ZNF449: variants seen among roughly 807,000 people sequenced by gnomAD.
ZNF449 encodes zinc finger and SCAN domain-containing protein 19.
In ZNF449, 4 loss-of-function variants were observed where a neutral mutation model predicts 32.6. The observed-to-expected ratio is 0.12, with a 90% CI of 0.06 to 0.28. The LOEUF (loss-of-function observed/expected upper bound fraction) is 0.28, where lower values mean the gene tolerates loss of function less well. ZNF449 is among the 10% of genes least tolerant of loss of function. The probability of loss-of-function intolerance (pLI) is 1.00; values close to 1 mark genes in which losing one functional copy is unlikely to be tolerated. For missense variants in ZNF449, 275 were observed against 383.2 expected (o/e 0.72, Z 2.36); for synonymous variants, 123 against 132.2 (o/e 0.93, Z 0.48).
intron 3 of ZNF449, among the ~76,000 whole-genome samples, chrX:135,355,686 C>CT (rs1374361352): frequency 1.8e-5 from 2 of 111,444 alleles, no homozygotes; most frequent in Non-Finnish European, 3.8e-5. Context: ...ACATTTACAT[C>CT]TTTTTAAAAT....
rs561846282 is a variant in ZNF449 at position 135,355,068 on chromosome X, A to C, written c.560-4824A>C. On this transcript the variant is annotated intron_variant, in intron 3 of 4. Transcript: ENST00000339249. ...AGATCTCCTGGGCCTCCAGGCTTCT[A>C]CCACCCTAAGCCTTTGCTACTTGCT... 1.4e-4 allele frequency among the ~76,000 whole-genome samples: 15 copies of C among 110,136 alleles called. No homozygotes were observed. In the South Asian group the frequency reaches 5.8e-3, roughly 43 times the overall value.
chrX:135,361,156 T>A lies in ZNF449; in HGVS notation c.*80T>A, dbSNP rs1288282691. 2 of 931,848 alleles carry A rather than the reference T, an allele frequency of 2.1e-6. No homozygotes were observed. Among genetic ancestry groups the A allele is most frequent in the African/African-American group, 4.0e-5 (2 of 50,042 alleles). The allele number at this position is 931,848 out of a possible 1,213,427, so 76.8% of individuals were successfully genotyped here. A position where few individuals can be genotyped will look rare whatever the true frequency, so the allele number is the denominator to read the frequency against. The stretch of plus-strand genomic sequence containing the variant: ...TTAACCTGCAGCAGGCTGTTTGTCT[T>A]GGAAGCTTTTGTTTGAGCTTATAAG... On this transcript the variant is annotated 3_prime_UTR_variant, in exon 5 of 5. Transcript: ENST00000339249.
At chrX:135,351,850 G>T (rs1187714084) in intron 3 of ZNF449, among the ~76,000 whole-genome samples, 2 of 110,838 alleles carry the variant, frequency 1.8e-5, no homozygotes, top group African/African-American at 6.6e-5. Context: ...TATTTATCTG[G>T]TGTTAATATT....
intron 3 of ZNF449, among the ~76,000 whole-genome samples, chrX:135,352,359 C>T (rs1410421212): frequency 8.9e-6 from 1 of 111,910 alleles, no homozygotes; most frequent in African/African-American, 3.2e-5. Context: ...AACTTTAAAA[C>T]AAAATCCCTT....
intron 3 of ZNF449, among the ~76,000 whole-genome samples, chrX:135,352,720 ACTT>A (rs1227721280): frequency 4.5e-5 from 5 of 112,139 alleles, no homozygotes; most frequent in Non-Finnish European, 1.9e-5. Context: ...TATAACTTAA[ACTT>A]CTTCAGATTA....
chrX:135,361,118 C>A lies in ZNF449; in HGVS notation c.*42C>A, dbSNP rs1556453827. 2 of 1,081,268 alleles carry A rather than the reference C, an allele frequency of 1.8e-6. No homozygotes were observed. The highest frequency in any genetic ancestry group is 1.9e-5 in the African/African-American group (1 of 53,367). The allele number at this position is 1,081,268 out of a possible 1,213,427, so 89.1% of individuals were successfully genotyped here. On this transcript the variant is annotated 3_prime_UTR_variant, in exon 5 of 5. Coordinates refer to ENST00000339249, the MANE Select transcript of ZNF449 (RefSeq NM_152695.6). ...CAGGTCTTACACAAATTGACACTAACTCAAAAAAAATCTTAACCTGCAGCA... is the reference window on the plus strand; with the variant it reads ...CAGGTCTTACACAAATTGACACTAAATCAAAAAAAATCTTAACCTGCAGCA...
chrX:135,352,293 T>C (rs1308695394), intron 3 of ZNF449, among the ~76,000 whole-genome samples: 1 of 111,942 alleles, frequency 8.9e-6, no homozygotes, highest in Non-Finnish European at 1.9e-5. Context: ...TACACATTCA[T>C]TGCAAAATAA....
At position 135,360,805 on chromosome X, in the gene ZNF449, A is replaced by G; in HGVS notation, c.1286A>G (p.His429Arg). 1 of 1,211,711 alleles carries G rather than the reference A, an allele frequency of 8.3e-7. No individual in the cohort carries two copies. The highest frequency in any genetic ancestry group is 1.1e-6 in the Non-Finnish European group (1 of 895,421). ...GSSLKRHLKTHTGEKPHRCHN... is the reference protein window; with the variant it reads ...GSSLKRHLKTRTGEKPHRCHN... ...AGTCTTAAAAGACATCTGAAAACTC[A>G]TACAGGTGAAAAACCTCATAGATGT... The change falls in exon 5 of 5, where the codon CAT becomes CGT. Residue 429 changes from histidine (H) to arginine (R), a missense_variant. His to Arg is a conservative substitution (Grantham distance 29). Around this residue, in one of 3 missense-constraint regions of ZNF449, gnomAD observed 80 missense variants for 146.6 expected, o/e 0.55. Coordinates refer to ENST00000339249, the MANE Select transcript of ZNF449 (RefSeq NM_152695.6).
Position 135,347,001 on chromosome X carries a change from A to AT in ZNF449, c.-100-11dup. The stretch of plus-strand genomic sequence containing the variant: ...TGACCACTCCTGTTTCTCCTTTCTC[A>AT]TTTTTTTCTGTCCTTAGCTGTAGGT... On this transcript the variant is annotated splice_polypyrimidine_tract_variant and intron_variant, in intron 1 of 4. Transcript: ENST00000339249. The AT allele has an allele frequency of 1.4e-6, 1 of 703,015 alleles. No homozygotes were observed. The highest frequency in any genetic ancestry group is 2.1e-6 in the Non-Finnish European group (1 of 484,121). 57.9% of individuals were successfully genotyped at this position (703,015 alleles called of 1,213,427 possible).
In ZNF449 at chrX:135,362,618, A is replaced by G. The variant is rs2084953420; in HGVS notation, c.*1542A>G. On this transcript the variant is annotated 3_prime_UTR_variant, in exon 5 of 5. Transcript: ENST00000339249. ...GCATTTTCCCTTTATGAAGATGTTC[A>G]GTCATCCTTTCCTTGAACTACAATT... The G allele has an allele frequency of 8.9e-6, 1 of 112,295 alleles. No individual in the cohort carries two copies. The highest frequency in any genetic ancestry group is 9.4e-5 in the Admixed American group (1 of 10,591). 9.3% of individuals were successfully genotyped at this position (112,295 alleles called of 1,213,427 possible).
At position 135,359,846 on chromosome X, in the gene ZNF449, C is replaced by T. The variant is rs1341544629; in HGVS notation, c.560-46C>T. 5.2e-6 allele frequency: 5 copies of T among 967,294 alleles called. No homozygotes were observed. The African/African-American group carries it at 5.8e-5, about 11-fold the overall frequency. The allele number at this position is 967,294 out of a possible 1,213,427, so 79.7% of individuals were successfully genotyped here. ...AAATCAGCCTAAATTTTGGAAAAAC[C>T]TTTGATGAGCCAAACTGTAATGCTT... On this transcript the variant is annotated intron_variant, in intron 3 of 4. Transcript: ENST00000339249.
rs782710510 is a variant in ZNF449, at chrX:135,360,663, A to C, written c.1144A>C (p.Thr382Pro). ...TACAGGGGAGAGACCCTATGAATGCACTGTATGTAAAAAGCGATTCACTCG... is the reference window on the plus strand; with the variant it reads ...TACAGGGGAGAGACCCTATGAATGCCCTGTATGTAAAAAGCGATTCACTCG... ...LHTGERPYEC[T>P]VCKKRFTRRS... is the part of the protein sequence containing the mutation. The change falls in exon 5 of 5, where the codon ACT (threonine) becomes CCT (proline). Residue 382 changes from threonine to proline, a missense_variant. This residue lies in a region of ZNF449 where 80 missense variants were observed against 146.6 expected (regional missense o/e 0.55). Coordinates refer to ENST00000339249, the MANE Select transcript of ZNF449 (RefSeq NM_152695.6). 8.3e-7 allele frequency: 1 copy of C among 1,211,543 alleles called. No homozygotes were observed. Among genetic ancestry groups the C allele is most frequent in the Non-Finnish European group, 1.1e-6 (1 of 895,398 alleles).
At chrX:135,354,637 C>T (rs782253998) in intron 3 of ZNF449, among the ~76,000 whole-genome samples, 1 of 111,921 alleles carries the variant, frequency 8.9e-6, no homozygotes, top group South Asian at 3.7e-4. Context: ...TCCTGATGCA[C>T]CCAATTTGGG....
At chrX:135,345,909 CTG>C (rs1157181786) in intron 1 of ZNF449, among the ~76,000 whole-genome samples, 2 of 112,059 alleles carry the variant, frequency 1.8e-5, no homozygotes, top group South Asian at 3.7e-4. Context: ...ATGTATGTGA[CTG>C]TCTCTGTGAC....
chrX:135,347,088 C>T lies in ZNF449; in HGVS notation c.-31C>T. The T allele has an allele frequency of 8.6e-7, 1 of 1,157,787 alleles. No homozygotes were observed. Among genetic ancestry groups the T allele is most frequent in the Non-Finnish European group, 1.2e-6 (1 of 864,948 alleles). ...AGTCGGAATCTGAGAAGTGAGGCTCCAGATAAACTGTAAACTGCTGGAAGG... is the reference window on the plus strand; with the variant it reads ...AGTCGGAATCTGAGAAGTGAGGCTCTAGATAAACTGTAAACTGCTGGAAGG... On this transcript the variant is annotated 5_prime_UTR_variant, in exon 2 of 5. Transcript: ENST00000339249.
At position 135,347,070 on chromosome X, in the gene ZNF449, A is replaced by G. The variant is rs1556448553; in HGVS notation, c.-49A>G. 6 of 1,125,622 alleles carry G rather than the reference A, an allele frequency of 5.3e-6. No individual in the cohort carries two copies. Among genetic ancestry groups the G allele is most frequent in the Non-Finnish European group, 7.1e-6 (6 of 840,956 alleles). The allele number at this position is 1,125,622 out of a possible 1,213,427, so 92.8% of individuals were successfully genotyped here. Reference sequence around the variant, plus strand: ...CGATTTCAGAGAGAAACAAGTCGGAATCTGAGAAGTGAGGCTCCAGATAAA... The same window carrying G: ...CGATTTCAGAGAGAAACAAGTCGGAGTCTGAGAAGTGAGGCTCCAGATAAA... On this transcript the variant is annotated 5_prime_UTR_variant, in exon 2 of 5. Transcript: ENST00000339249.
At position 135,360,037 on chromosome X, in the gene ZNF449, A is replaced by G. The variant is rs781869775; in HGVS notation, c.673+32A>G. The G allele has an allele frequency of 1.7e-5, 18 of 1,057,520 alleles. No individual in the cohort carries two copies. The East Asian group carries it at 2.8e-4, about 17-fold the overall frequency. The allele number at this position is 1,057,520 out of a possible 1,213,427, so 87.2% of individuals were successfully genotyped here. On this transcript the variant is annotated intron_variant, in intron 4 of 4. Coordinates refer to ENST00000339249, the MANE Select transcript of ZNF449 (RefSeq NM_152695.6). ...AATTGTTCTTTGATATACTAGTGGG[A>G]AAAAAAAAGAAAAATTTAACCTAAA...
At chrX:135,354,235 T>C (rs1356116256) in intron 3 of ZNF449, among the ~76,000 whole-genome samples, 1 of 112,595 alleles carries the variant, frequency 8.9e-6, no homozygotes, top group Non-Finnish European at 1.9e-5. Flanking sequence ...TCTTCACTTA[T>C]CTTTGCTATG....
At chrX:135,348,648 C>A in intron 2 of ZNF449, 1 of 789,608 alleles carries the variant, frequency 1.3e-6, no homozygotes, top group African/African-American at 2.2e-5. Context: ...CAGGAGTCTT[C>A]TGAAGTTTTC....
Sources: gnomAD v4.1 joint callset for allele counts (sites outside exome capture counted in the v4.1 genomes callset) on GRCh38, gnomAD v4.1.1 for gene constraint, gnomAD v4.1.1 regional missense constraint, MANE v1.5 for transcripts, NCBI Gene and HGNC (gene_info 2026-07-23, HGNC 2026-07-21) for gene names.